The following BOD1L1 variants were observed in gnomAD, a reference collection of about 807,000 sequenced individuals.
BOD1L1 encodes the protein biorientation of chromosomes in cell division protein 1-like 1.
BOD1L1 carries 86 observed loss-of-function variants against 240.7 expected under a neutral mutation model. That is an observed-to-expected ratio of 0.36 (90% CI 0.30 to 0.43). The LOEUF (loss-of-function observed/expected upper bound fraction) is 0.43. Ranked by LOEUF, BOD1L1 falls within the 20% of genes least tolerant of loss-of-function variation. The probability of loss-of-function intolerance (pLI) is 1.00; values close to 1 mark genes in which losing one functional copy is unlikely to be tolerated. For missense variants in BOD1L1, 3,554 were observed against 3,643.5 expected, an observed-to-expected ratio of 0.98 and a Z score of 0.63; for synonymous variants, 1,268 against 1,272.3, an observed-to-expected ratio of 1.00 and a Z score of 0.07.
At chr4:13,598,807 TTATGA>T in intron 10 of BOD1L1, 134 bp downstream of exon 10, 3 of 865,752 alleles carry the variant, frequency 3.5e-6, no homozygotes, top group East Asian at 2.7e-5. Flanking sequence ...TTTTGCAACA[TTATGA>T]TATGAGAAAA....
intron 12 of BOD1L1, 85 bp downstream of exon 12, chr4:13,595,775 G>T: frequency 2.0e-6 from 2 of 989,664 alleles, no homozygotes; most frequent in South Asian, 1.4e-5. Flanking sequence ...ATGTTACTAT[G>T]CATCAGCTAT....
intron 11 of BOD1L1, 51 bp from the exon 12 acceptor site, chr4:13,595,995 A>G: frequency 6.8e-7 from 1 of 1,468,812 alleles, no homozygotes; most frequent in Admixed American, 1.8e-5. Flanking sequence ...TTTTTACAAG[A>G]AGACTAACCT....
intron 7 of BOD1L1, among the ~76,000 whole-genome samples, chr4:13,609,034 G>C (rs374102329): frequency 1.3e-5 from 2 of 152,256 alleles, no homozygotes. Flanking sequence ...CTACTTTCCA[G>C]TGATTCAATC....
In BOD1L1 at chr4:13,604,094, C is replaced by G. The variant is rs1358300553; in HGVS notation, c.2806G>C (p.Ala936Pro). 1 of 1,613,650 alleles carries G rather than the reference C, an allele frequency of 6.2e-7. No homozygotes were observed. The highest frequency in any genetic ancestry group is 1.7e-5 in the Admixed American group (1 of 60,014). The part of the protein sequence containing the change: ...TELQEGATKQ[A>P]TTPKPDKEKN... ...TCCTTGTCTGGTTTTGGAGTGGTTGCCTGTTTTGTGGCACCTTCTTGTAAT... is the reference window on the plus strand; with the variant it reads ...TCCTTGTCTGGTTTTGGAGTGGTTGGCTGTTTTGTGGCACCTTCTTGTAAT... The change falls in exon 10 of 26, where the codon GCA becomes CCA. Residue 936 changes from alanine (A) to proline (P), a missense_variant. Physicochemically the swap from Ala to Pro is conservative, Grantham distance 27 (BLOSUM62 -1). This residue lies in a region of BOD1L1 where 3,393 missense variants were observed against 3,427.1 expected (regional missense o/e 0.99). Transcript: ENST00000040738.
Position 13,600,445 on chromosome 4 carries a change from A to G in BOD1L1, c.6455T>C (p.Phe2152Ser). The stretch of plus-strand genomic sequence containing the variant: ...TGTTGCACTGGAGATAGGCAATTCG[A>G]ATTCTTCCCCTATGCTTGTGGAAAT... ...AMISTSIGEE[F>S]ELPISSATTI... Residue 2152 changes from phenylalanine (F) to serine (S), a missense_variant, in exon 10 of 26, where the codon TTC becomes TCC. Transcript: ENST00000040738. 6.2e-7 allele frequency: 1 copy of G among 1,613,454 alleles called. No individual in the cohort carries two copies.
chr4:13,621,601 T>C lies in BOD1L1; in HGVS notation c.244-1534A>G, dbSNP rs1164064701. Among the ~76,000 whole-genome samples, 5 of 152,342 alleles carry C rather than the reference T, an allele frequency of 3.3e-5. No individual in the cohort carries two copies. The East Asian group carries it at 9.7e-4, about 29-fold the overall frequency. ...GGAAGCAAGGCATATTTATCCTCCA[T>C]TGATGTGTAAGCCTCCTCCTCTATC... On this transcript the variant is annotated intron_variant, in intron 1 of 25. Transcript: ENST00000040738.
Position 13,600,649 on chromosome 4 carries a change from T to C in BOD1L1, c.6251A>G (p.Gln2084Arg). The C allele has an allele frequency of 6.2e-7, 1 of 1,613,982 alleles. No homozygotes were observed. ...STSTTNDYTP[Q>R]VSAITDVEGG... ...TTCCACATCTGTAATTGCGCTTACC[T>C]GAGGGGTGTAATCATTTGTGGTACT... The change falls in exon 10 of 26, where the codon CAG (glutamine) becomes CGG (arginine). Residue 2084 changes from glutamine (Q) to arginine (R), a missense_variant. Physicochemically the swap from Gln to Arg is conservative, Grantham distance 43. Coordinates refer to ENST00000040738, the MANE Select transcript of BOD1L1 (RefSeq NM_148894.3).
chr4:13,622,451 C>T (rs1717106396), intron 1 of BOD1L1, among the ~76,000 whole-genome samples: 1 of 152,130 alleles, frequency 6.6e-6, no homozygotes, highest in Non-Finnish European at 1.5e-5. Context: ...CACATATATA[C>T]ACACACACAT....
intron 11 of BOD1L1, among the ~76,000 whole-genome samples, chr4:13,596,326 A>T (rs1714617995): frequency 6.6e-6 from 1 of 151,920 alleles, no homozygotes; most frequent in Non-Finnish European, 1.5e-5. Context: ...AGAACACAAC[A>T]TTCTCTTTGC....
chr4:13,617,246 A>AAAAT, intron 2 of BOD1L1, among the ~76,000 whole-genome samples: 1 of 150,178 alleles, frequency 6.7e-6, no homozygotes, highest in South Asian at 2.1e-4. Flanking sequence ...CCGTCTCAAA[A>AAAAT]AAAAAAAAAA....
chr4:13,592,230 T>G (rs2108918889), intron 12 of BOD1L1: 1 of 379,502 alleles, frequency 2.6e-6, no homozygotes. Context: ...TACATCACTA[T>G]GGTGATTTAA....
Position 13,591,853 on chromosome 4 carries a change from A to G in BOD1L1, c.8148+70T>C. The G allele has an allele frequency of 8.0e-6, 10 of 1,251,784 alleles. No homozygotes were observed. In the South Asian group the frequency reaches 8.7e-5, roughly 11 times the overall value. 77.5% of individuals were successfully genotyped at this position (1,251,784 alleles called of 1,614,324 possible). ...AACCCCTTCAGATGGCTCCTCCTCAATAGCTCTCCAAAAAAATAAAATTAA... is the reference window on the plus strand; with the variant it reads ...AACCCCTTCAGATGGCTCCTCCTCAGTAGCTCTCCAAAAAAATAAAATTAA... On this transcript the variant is annotated intron_variant, in intron 13 of 25. Transcript: ENST00000040738.
chr4:13,592,053 G>C, intron 12 of BOD1L1, 87 bp from the exon 13 acceptor site: 1 of 975,230 alleles, frequency 1.0e-6, no homozygotes, highest in Non-Finnish European at 1.5e-6. Context: ...TTAGGATAGG[G>C]AACCTATCCT....
At chr4:13,593,696 A>C (rs868374985) in intron 12 of BOD1L1, among the ~76,000 whole-genome samples, 33 of 152,146 alleles carry the variant, frequency 2.2e-4, no homozygotes, top group Non-Finnish European at 3.2e-4. Context: ...ATTTCAGTGA[A>C]TGACTTACTT....
chr4:13,600,011 T>G lies in BOD1L1; in HGVS notation c.6889A>C (p.Thr2297Pro). 6.2e-7 allele frequency: 1 copy of G among 1,610,046 alleles called. No individual in the cohort carries two copies. The highest frequency in any genetic ancestry group is 1.3e-5 in the African/African-American group (1 of 74,948). The stretch of plus-strand genomic sequence containing the variant: ...ATGACTGCTTCACACCCTTCAGAGG[T>G]GCTTGTGGAAATCATGGCGGTGTCA... ...MGDTAMISTS[T>P]SEGCEAVMIG... The change falls in exon 10 of 26, where the codon ACC becomes CCC. Residue 2297 changes from threonine to proline, a missense_variant. By Grantham distance (38) the Thr-to-Pro change is conservative (BLOSUM62 -1). This residue lies in a region of BOD1L1 where 3,393 missense variants were observed against 3,427.1 expected (regional missense o/e 0.99). Coordinates refer to ENST00000040738, the MANE Select transcript of BOD1L1 (RefSeq NM_148894.3).
chr4:13,577,691 A>T, intron 22 of BOD1L1, 60 bp from the exon 23 acceptor site: 1 of 1,289,568 alleles, frequency 7.8e-7, no homozygotes, highest in Non-Finnish European at 1.1e-6. Flanking sequence ...AAATTTCAAC[A>T]ATCAGCCTGG....
At chr4:13,578,046 A>G in intron 22 of BOD1L1, 1 of 160,196 alleles carries the variant, frequency 6.2e-6, no homozygotes, top group Non-Finnish European at 1.4e-5. Flanking sequence ...CTGAGATTAC[A>G]GGTGCCCACC....
At position 13,627,401 on chromosome 4, in the gene BOD1L1, T is replaced by G; in HGVS notation, c.187A>C (p.Ser63Arg). 2 of 1,400,180 alleles carry G rather than the reference T, an allele frequency of 1.4e-6. No individual in the cohort carries two copies. Among genetic ancestry groups the G allele is most frequent in the Non-Finnish European group, 1.9e-6 (2 of 1,064,058 alleles). 86.7% of individuals were successfully genotyped at this position (1,400,180 alleles called of 1,614,324 possible). The change falls in exon 1 of 26, where the codon AGC becomes CGC. Residue 63 changes from serine to arginine, a missense_variant. Physicochemically the swap from Ser to Arg is moderately radical, Grantham distance 110. Around this residue, in one of 2 missense-constraint regions of BOD1L1, gnomAD observed 161 missense variants for 216.4 expected, o/e 0.74. Transcript: ENST00000040738. ...CGGAACTGGTCGAAGAGCCCCTGGC[T>G]CTTGAGGTGGTTCACGATCATGGCC... is the stretch of plus-strand genomic sequence containing the variant. The part of the protein sequence containing the change: ...LVAMIVNHLK[S>R]QGLFDQFRRD...
In BOD1L1 at chr4:13,603,663, T is replaced by C. The variant is rs780070169; in HGVS notation, c.3237A>G (p.Ser1079=). The stretch of plus-strand genomic sequence containing the variant: ...TTTCTTCTCCTTTGGCCATTTCTTG[T>C]GACAAGCTTCCTCTCCGATTTTCGC... ...RLCENRRGSL[S]QEMAKGEEKL... is the part of the protein sequence containing the mutation. The change falls in exon 10 of 26, where the codon TCA becomes TCG. Residue 1079 remains serine (S), a synonymous_variant. Coordinates refer to ENST00000040738, the MANE Select transcript of BOD1L1 (RefSeq NM_148894.3). 3.1e-6 allele frequency: 5 copies of C among 1,614,002 alleles called. No individual in the cohort carries two copies. The highest frequency in any genetic ancestry group is 1.1e-5 in the South Asian group (1 of 91,080).
Sources: gnomAD v4.1 joint callset for allele counts (sites outside exome capture counted in the v4.1 genomes callset) on GRCh38, gnomAD v4.1.1 for gene constraint, gnomAD v4.1.1 regional missense constraint, MANE v1.5 for transcripts, NCBI Gene and HGNC (gene_info 2026-07-23, HGNC 2026-07-21) for gene names.